Variants in DDAH1 observed in about 807,000 individuals in gnomAD.
The protein encoded by DDAH1 is N(G),N(G)-dimethylarginine dimethylaminohydrolase 1.
DDAH1 carries 19 observed loss-of-function variants against 28.8 expected under a neutral mutation model. The observed-to-expected ratio is 0.66, with a 90% CI of 0.46 to 0.97. DDAH1 has a LOEUF of 0.97. Ranked by LOEUF, DDAH1 falls within the 50% of genes least tolerant of loss-of-function variation. The pLI, the probability that DDAH1 is intolerant of heterozygous loss-of-function variation, is 0.00. For missense variants in DDAH1, 326 were observed against 375.9 expected (o/e 0.87, Z 1.10); for synonymous variants, 153 against 154.4 (o/e 0.99, Z 0.07).
chr1:85,410,098 T>C (rs1295794305), intron 1 of DDAH1, among the ~76,000 whole-genome samples: 2 of 151,218 alleles, frequency 1.3e-5, no homozygotes, highest in African/African-American at 4.9e-5. Context: ...CTGGGCAACA[T>C]GGCACAACCC....
intron 4 of DDAH1, among the ~76,000 whole-genome samples, chr1:85,342,475 C>A (rs1284373723): frequency 6.6e-6 from 1 of 151,630 alleles, no homozygotes; most frequent in East Asian, 1.9e-4. Context: ...AAAATGATAA[C>A]ATTAGTGATT....
intron 5 of DDAH1, among the ~76,000 whole-genome samples, chr1:85,322,173 T>G (rs1345137334): frequency 6.6e-6 from 1 of 152,192 alleles, no homozygotes; most frequent in Non-Finnish European, 1.5e-5. Context: ...TCATCCTGCC[T>G]TGGCCTTCCA....
chr1:85,394,413 C>T (rs1651705561), intron 1 of DDAH1, among the ~76,000 whole-genome samples: 2 of 152,298 alleles, frequency 1.3e-5, no homozygotes, highest in South Asian at 2.1e-4. Context: ...ACTTTCCAGC[C>T]TCTAGAATAA....
chr1:85,435,053 T>A (rs1203331892), intron 1 of DDAH1: 1 of 152,186 alleles, frequency 6.6e-6, no homozygotes, highest in Non-Finnish European at 1.5e-5. Flanking sequence ...TTAATAAAAA[T>A]TTTTCCAAGG....
At chr1:85,564,087 G>T (rs566091406) in intron 1 of DDAH1, among the ~76,000 whole-genome samples, 1 of 152,084 alleles carries the variant, frequency 6.6e-6, no homozygotes, top group South Asian at 2.1e-4. Flanking sequence ...CAGGGGAACC[G>T]CTTGAACCCT....
At chr1:85,577,730 T>C (rs996558277) in intron 1 of DDAH1, among the ~76,000 whole-genome samples, 1 of 152,086 alleles carries the variant, frequency 6.6e-6, no homozygotes, top group African/African-American at 2.4e-5. Context: ...TTATTCTCGG[T>C]TGCCGCCAGA....
chr1:85,445,876 T>C (rs551441868), intron 1 of DDAH1, among the ~76,000 whole-genome samples: 1 of 152,286 alleles, frequency 6.6e-6, no homozygotes, highest in South Asian at 2.1e-4. Flanking sequence ...ACTGGGATTA[T>C]AGACATAAGC....
At chr1:85,568,523 G>T (rs1659369374) in intron 1 of DDAH1, among the ~76,000 whole-genome samples, 1 of 152,060 alleles carries the variant, frequency 6.6e-6, no homozygotes, top group Non-Finnish European at 1.5e-5. Flanking sequence ...GTAAGGCCAA[G>T]AATATAATTC....
chr1:85,542,963 T>C (rs944403528), intron 1 of DDAH1, among the ~76,000 whole-genome samples: 14 of 152,096 alleles, frequency 9.2e-5, no homozygotes, highest in African/African-American at 3.4e-4. Flanking sequence ...GAGACTGAGG[T>C]TCAGTAAGGT....
At chr1:85,516,995 C>A (rs1431286481) in intron 1 of DDAH1, among the ~76,000 whole-genome samples, 1 of 151,778 alleles carries the variant, frequency 6.6e-6, no homozygotes, top group Non-Finnish European at 1.5e-5. Context: ...TCAGCTTTAT[C>A]ATTCTACTAC....
chr1:85,554,354 C>T (rs1658901281), intron 1 of DDAH1, among the ~76,000 whole-genome samples: 1 of 139,416 alleles, frequency 7.2e-6, no homozygotes, highest in Non-Finnish European at 1.5e-5. Flanking sequence ...ATGTCCTATA[C>T]TTTCCAAAGA....
At chr1:85,545,308 A>G (rs1414912332) in intron 1 of DDAH1, among the ~76,000 whole-genome samples, 1 of 152,254 alleles carries the variant, frequency 6.6e-6, no homozygotes, top group Non-Finnish European at 1.5e-5. Flanking sequence ...TGCTATTAGC[A>G]GAGGAAAAGA....
At chr1:85,482,042 T>C (rs1292754243) in intron 2 of DDAH1, among the ~76,000 whole-genome samples, 1 of 152,230 alleles carries the variant, frequency 6.6e-6, no homozygotes, top group East Asian at 1.9e-4. Flanking sequence ...ATCCTGTTAG[T>C]TTGTCCTCCC....
intron 1 of DDAH1, among the ~76,000 whole-genome samples, chr1:85,570,744 T>TCTGTA (rs1659432376): frequency 6.6e-6 from 1 of 152,168 alleles, no homozygotes; most frequent in South Asian, 2.1e-4. Flanking sequence ...ATGGCAATGA[T>TCTGTA]CCCATTCACT....
chr1:85,578,087 G>T lies in DDAH1; in HGVS notation c.-226C>A, dbSNP rs115481731. On this transcript the variant is annotated 5_prime_UTR_variant, in exon 1 of 7. Coordinates refer to the DDAH1 transcript ENST00000426972. ...CGACGGGAGGCTGGGGTTTCTGGAC[G>T]GTCTTTGGGCAGGACTTGAGGAGCC... 7,854 of 871,464 alleles carry T rather than the reference G, an allele frequency of 9.0e-3. 540 individuals are homozygous for T. In the African/African-American group the frequency reaches 0.13, roughly 15 times the overall value. The allele number at this position is 871,464 out of a possible 1,614,324, so 54.0% of individuals were successfully genotyped here.
At chr1:85,445,215 C>G (rs928905878) in intron 1 of DDAH1, among the ~76,000 whole-genome samples, 1 of 152,086 alleles carries the variant, frequency 6.6e-6, no homozygotes, top group Non-Finnish European at 1.5e-5. Flanking sequence ...AGGATCAATA[C>G]TTTGTATCCT....
At chr1:85,391,562 A>T (rs1221340506) in intron 1 of DDAH1, among the ~76,000 whole-genome samples, 1 of 152,190 alleles carries the variant, frequency 6.6e-6, no homozygotes, top group East Asian at 1.9e-4. Flanking sequence ...CAACTAATAC[A>T]CATATTGGTG....
At chr1:85,519,086 A>ATTTTTTTT (rs1411129355) in intron 1 of DDAH1, among the ~76,000 whole-genome samples, 2 of 101,310 alleles carry the variant, frequency 2.0e-5, no homozygotes, top group South Asian at 3.4e-4. Flanking sequence ...GGAAAGACGG[A>ATTTTTTTT]TCTTTTTTTT....
At chr1:85,333,792 G>GC (rs1459871609) in intron 4 of DDAH1, among the ~76,000 whole-genome samples, 1 of 152,056 alleles carries the variant, frequency 6.6e-6, no homozygotes, top group Non-Finnish European at 1.5e-5. Context: ...TGACCTATGG[G>GC]CCACCATAAA....
Sources: allele counts gnomAD v4.1 joint callset (sites outside exome capture counted in the v4.1 genomes callset), GRCh38; gene constraint gnomAD v4.1.1; transcripts MANE v1.5; gene names NCBI Gene and HGNC (gene_info 2026-07-23, HGNC 2026-07-21).